RSU1: variants seen among roughly 807,000 people sequenced by gnomAD.
RSU1 encodes the protein rsu-1.
Under a neutral mutation model 31.1 loss-of-function variants are expected in RSU1, and 26 were observed. The observed-to-expected ratio is 0.84, with a 90% CI of 0.61 to 1.16. The LOEUF is 1.16. RSU1 is among the 50% of genes most tolerant of loss of function. The probability of loss-of-function intolerance (pLI) is 0.00; values close to 1 mark genes in which losing one functional copy is unlikely to be tolerated. For synonymous variants in RSU1, 164 were observed against 136.3 expected (o/e 1.20, Z -1.41); for missense variants, 320 against 339.1 (o/e 0.94, Z 0.44).
At chr10:16,790,980 T>C (rs1471824452) in intron 2 of RSU1, among the ~76,000 whole-genome samples, 1 of 152,182 alleles carries the variant, frequency 6.6e-6, no homozygotes, top group Non-Finnish European at 1.5e-5. Context: ...AGTAGTTCTT[T>C]ATAGCAGTGT....
chr10:16,759,049 C>A (rs1367026105), intron 4 of RSU1, among the ~76,000 whole-genome samples: 1 of 152,120 alleles, frequency 6.6e-6, no homozygotes, highest in East Asian at 1.9e-4. Flanking sequence ...TCTTCTAAAG[C>A]CCCAGAAAGG....
intron 2 of RSU1, among the ~76,000 whole-genome samples, chr10:16,803,442 A>G (rs1393251511): frequency 6.6e-6 from 1 of 152,214 alleles, no homozygotes; most frequent in African/African-American, 2.4e-5. Flanking sequence ...AAGTTGATCT[A>G]CATATCAATT....
At chr10:16,711,008 A>G (rs1253518473) in intron 7 of RSU1, among the ~76,000 whole-genome samples, 1 of 152,140 alleles carries the variant, frequency 6.6e-6, no homozygotes, top group Non-Finnish European at 1.5e-5. Context: ...TTTCTTTTTT[A>G]TGGCTGCACA....
chr10:16,734,306 T>C (rs932690501), intron 7 of RSU1, among the ~76,000 whole-genome samples: 8 of 152,244 alleles, frequency 5.3e-5, no homozygotes, highest in African/African-American at 1.7e-4. Context: ...TCAATACCTA[T>C]AACTTCCTGC....
At chr10:16,810,603 G>A (rs1446588729) in intron 2 of RSU1, among the ~76,000 whole-genome samples, 5 of 152,198 alleles carry the variant, frequency 3.3e-5, no homozygotes, top group Non-Finnish European at 7.3e-5. Context: ...AAGGCAGTGG[G>A]TGTGCTGGTT....
At chr10:16,678,066 T>C (rs965815073) in intron 8 of RSU1, among the ~76,000 whole-genome samples, 2 of 152,240 alleles carry the variant, frequency 1.3e-5, no homozygotes, top group African/African-American at 4.8e-5. Context: ...CAATCAATTC[T>C]TTCAAGATCC....
At chr10:16,632,649 T>C (rs1186354191) in intron 8 of RSU1, among the ~76,000 whole-genome samples, 1 of 152,128 alleles carries the variant, frequency 6.6e-6, no homozygotes, top group African/African-American at 2.4e-5. Context: ...GTAAGAACCC[T>C]AAAGACAGGC....
intron 7 of RSU1, among the ~76,000 whole-genome samples, chr10:16,742,824 T>C (rs1011836746): frequency 6.6e-6 from 1 of 152,212 alleles, no homozygotes. Flanking sequence ...AAACGCTTTA[T>C]GTGTTGCAAC....
At chr10:16,733,508 A>AAAAC (rs991020033) in intron 7 of RSU1, among the ~76,000 whole-genome samples, 1 of 151,996 alleles carries the variant, frequency 6.6e-6, no homozygotes, top group Non-Finnish European at 1.5e-5. Flanking sequence ...ACTCTGTCGC[A>AAAAC]AAACAAACAA....
chr10:16,749,835 G>A (rs1488566361), intron 7 of RSU1, among the ~76,000 whole-genome samples: 1 of 152,216 alleles, frequency 6.6e-6, no homozygotes, highest in African/African-American at 2.4e-5. Flanking sequence ...CTTTTCGGGA[G>A]AGTGTGCTGG....
At chr10:16,730,334 C>T (rs1173545957) in intron 7 of RSU1, among the ~76,000 whole-genome samples, 1 of 152,194 alleles carries the variant, frequency 6.6e-6, no homozygotes, top group African/African-American at 2.4e-5. Flanking sequence ...ACTGTATCAA[C>T]TTGCACCTCA....
chr10:16,787,913 G>A (rs1384499572), intron 2 of RSU1, among the ~76,000 whole-genome samples: 2 of 152,222 alleles, frequency 1.3e-5, no homozygotes, highest in African/African-American at 4.8e-5. Flanking sequence ...AAGAGGCTAA[G>A]GGGAAGAAGA....
intron 4 of RSU1, among the ~76,000 whole-genome samples, chr10:16,758,850 A>T (rs1299668550): frequency 2.6e-5 from 4 of 152,216 alleles, no homozygotes; most frequent in Non-Finnish European, 5.9e-5. Flanking sequence ...ACACTTGGTT[A>T]ATCTCAGGTG....
In RSU1 at chr10:16,793,936, A is replaced by T. The variant is rs572832489; in HGVS notation, c.110-11852T>A. Among the ~76,000 whole-genome samples, 4 of 151,692 alleles carry T rather than the reference A, an allele frequency of 2.6e-5. No homozygotes were observed. The East Asian group carries it at 7.8e-4, about 29-fold the overall frequency. On this transcript the variant is annotated intron_variant, in intron 2 of 8. Coordinates refer to ENST00000345264, the MANE Select transcript of RSU1 (RefSeq NM_012425.4). ...AAGAGATTAGCATTTGAATCAGGGG[A>T]CTGAGTAAAGAAGACCTACCCTTGC... is the stretch of plus-strand genomic sequence containing the variant.
chr10:16,745,862 C>T (rs1175322707), intron 7 of RSU1, among the ~76,000 whole-genome samples: 2 of 152,142 alleles, frequency 1.3e-5, no homozygotes, highest in South Asian at 4.1e-4. Context: ...CGTTTTAAAC[C>T]TCTGGATAAA....
At chr10:16,713,795 G>A (rs1254882381) in intron 7 of RSU1, among the ~76,000 whole-genome samples, 2 of 152,060 alleles carry the variant, frequency 1.3e-5, no homozygotes, top group African/African-American at 4.8e-5. Context: ...AACATCTAGT[G>A]GAATAGTGAC....
intron 3 of RSU1, among the ~76,000 whole-genome samples, chr10:16,765,022 A>G (rs750330220): frequency 3.9e-5 from 6 of 152,142 alleles, no homozygotes; most frequent in Non-Finnish European, 5.9e-5. Flanking sequence ...CACAAAAGAG[A>G]ATTTCTGTAC....
intron 8 of RSU1, among the ~76,000 whole-genome samples, chr10:16,604,889 C>T (rs533393386): frequency 1.2e-4 from 18 of 152,200 alleles, no homozygotes; most frequent in African/African-American, 3.4e-4. Flanking sequence ...GCTCAAACCG[C>T]GTGGGAAGAA....
chr10:16,723,296 A>C (rs1186444483), intron 7 of RSU1: 1 of 152,144 alleles, frequency 6.6e-6, no homozygotes, highest in Non-Finnish European at 1.5e-5. Context: ...TCAGATAAAA[A>C]ATTTTCTCAA....
Sources: gnomAD v4.1 joint callset for allele counts (sites outside exome capture counted in the v4.1 genomes callset) on GRCh38, gnomAD v4.1.1 for gene constraint, MANE v1.5 for transcripts, NCBI Gene and HGNC (gene_info 2026-07-23, HGNC 2026-07-21) for gene names.